SLC4A2: variants seen among roughly 807,000 people sequenced by gnomAD.
SLC4A2 encodes the protein anion exchange protein 2.
SLC4A2 carries 36 observed loss-of-function variants against 115.0 expected under a neutral mutation model. The ratio of observed to expected loss-of-function variants is 0.31; its 90% CI spans 0.24 to 0.41. SLC4A2 has a LOEUF of 0.41. Among genes scored for constraint, SLC4A2 ranks in the 10% least tolerant of loss-of-function variants. The pLI is 1.00. For missense variants in SLC4A2, 1,252 were observed against 1,705.6 expected (o/e 0.73, Z 4.68); for synonymous variants, 708 against 708.3 (o/e 1.00, Z 0.01).
At chr7:151,066,264 G>A (rs1440818325) in intron 5 of SLC4A2, among the ~76,000 whole-genome samples, 5 of 152,242 alleles carry the variant, frequency 3.3e-5, no homozygotes, top group African/African-American at 9.6e-5. Context: ...GTTGACGTTC[G>A]CAGTGGCCGT....
rs747131908 is a variant in SLC4A2 at position 151,064,585 on chromosome 7, G to T, written c.277G>T (p.Ala93Ser). Reference protein sequence around the residue: ...HPLSTHLPPDARRRKTPQGPG... With the variant: ...HPLSTHLPPDSRRRKTPQGPG... ...ACTGTCCACCCACCTGCCTCCGGAT[G>T]CACGCCGCCGCAAGACACCCCAGGG... The change falls in exon 4 of 23, where the codon GCA (alanine) becomes TCA (serine). Residue 93 changes from alanine (A) to serine (S), a missense_variant. By Grantham distance (99) the Ala-to-Ser change is moderately conservative (BLOSUM62 1). Coordinates refer to ENST00000413384, the MANE Select transcript of SLC4A2 (RefSeq NM_003040.4). The T allele has an allele frequency of 4.2e-5, 67 of 1,612,640 alleles. No individual in the cohort carries two copies. The highest frequency in any genetic ancestry group is 5.6e-5 in the Non-Finnish European group (66 of 1,179,950).
intron 7 of SLC4A2, 49 bp from the exon 8 acceptor site, chr7:151,067,825 G>A: frequency 6.4e-7 from 1 of 1,563,028 alleles, no homozygotes. Flanking sequence ...CCCACCCCAG[G>A]GCTGCCTCCG....
chr7:151,071,461 G>C lies in SLC4A2; in HGVS notation c.2047G>C (p.Gly683Arg), dbSNP rs766348973. 1.9e-6 allele frequency: 3 copies of C among 1,610,176 alleles called. No homozygotes were observed. Among genetic ancestry groups the C allele is most frequent in the Middle Eastern group, 1.6e-4 (1 of 6,082 alleles). The part of the protein sequence containing the change: ...DPLRRTGRPF[G>R]GLIRDVRRRY... The stretch of plus-strand genomic sequence containing the variant: ...CCTTCGGCGGACGGGGCGGCCCTTT[G>C]GGGGGCTGATCCGAGATGTGCGGCG... Residue 683 changes from glycine to arginine, a missense_variant, in exon 14 of 23, where the codon GGG (glycine) becomes CGG (arginine). Gly to Arg is a moderately radical substitution (Grantham distance 125). Transcript: ENST00000413384. This position sits in a 1 kb window ranked among gnomAD's most constrained non-coding sequence, Gnocchi z 5.5.
intron 2 of SLC4A2, 99 bp from the exon 3 acceptor site, chr7:151,064,103 G>C: frequency 8.0e-7 from 1 of 1,244,980 alleles, no homozygotes; most frequent in Admixed American, 2.0e-5. Flanking sequence ...GCTGCTGGCG[G>C]GGGAGGGTTC....
chr7:151,064,721 G>T lies in SLC4A2; in HGVS notation c.413G>T (p.Arg138Leu), dbSNP rs751865233. ...EDEASEAEGARALTQPSPVST... is the reference protein window; with the variant it reads ...EDEASEAEGALALTQPSPVST... ...GAGGCCAGCGAGGCTGAGGGGGCCC[G>T]GGCTCTCACTCAGCCGTCCCCTGTC... Residue 138 changes from arginine to leucine, a missense_variant, in exon 4 of 23, where the codon CGG (arginine) becomes CTG (leucine). Coordinates refer to ENST00000413384, the MANE Select transcript of SLC4A2 (RefSeq NM_003040.4). The T allele has an allele frequency of 1.2e-6, 2 of 1,612,270 alleles. 1 individual carries two copies. The highest frequency in any genetic ancestry group is 2.2e-5 in the South Asian group (2 of 90,986).
chr7:151,062,720 C>A (rs1172651870), intron 2 of SLC4A2: 1 of 1,421,324 alleles, frequency 7.0e-7, no homozygotes, highest in Non-Finnish European at 9.2e-7. Context: ...GCGCCTCTCC[C>A]CGTCCCCTCG....
rs1438466824 is a variant in SLC4A2, at chr7:151,063,927, C to A, written c.52-275C>A. On this transcript the variant is annotated intron_variant, in intron 2 of 22. Transcript: ENST00000413384. ...TGTTTTTAGTAGAGATGGGGTTTCACCATGTTGGTCAGGCTGGTCTTGAAC... is the reference window on the plus strand; with the variant it reads ...TGTTTTTAGTAGAGATGGGGTTTCAACATGTTGGTCAGGCTGGTCTTGAAC... Among the ~76,000 whole-genome samples, 4 of 152,174 alleles carry A rather than the reference C, an allele frequency of 2.6e-5. No individual in the cohort carries two copies. In the South Asian group the frequency reaches 6.2e-4, roughly 24 times the overall value.
At chr7:151,069,735 T>A (rs1255375734) in intron 8 of SLC4A2, among the ~76,000 whole-genome samples, 1 of 152,064 alleles carries the variant, frequency 6.6e-6, no homozygotes, top group African/African-American at 2.4e-5. Flanking sequence ...CCTCATAACG[T>A]TCCTGGGGGT....
In SLC4A2 at chr7:151,071,472, C is replaced by G. The variant is rs781213153; in HGVS notation, c.2058C>G (p.Ile686Met). 1.9e-6 allele frequency: 3 copies of G among 1,611,702 alleles called. No homozygotes were observed. The Admixed American group carries it at 5.0e-5, about 27-fold the overall frequency. Residue 686 changes from isoleucine to methionine, a missense_variant, in exon 14 of 23, where the codon ATC becomes ATG. Around this residue, in one of 14 missense-constraint regions of SLC4A2, gnomAD observed 122 missense variants for 116.8 expected, o/e 1.04. Coordinates refer to ENST00000413384, the MANE Select transcript of SLC4A2 (RefSeq NM_003040.4). This position sits in a 1 kb window ranked among gnomAD's most constrained non-coding sequence, Gnocchi z 5.5. The part of the protein sequence containing the change: ...RRTGRPFGGL[I>M]RDVRRRYPHY... ...CGGGGCGGCCCTTTGGGGGGCTGAT[C>G]CGAGATGTGCGGCGCCGCTATCCCC...
At position 151,071,688 on chromosome 7, in the gene SLC4A2, G is replaced by A; in HGVS notation, c.2192-1G>A. On this transcript the variant is annotated splice_acceptor_variant, in intron 14 of 22. Coordinates refer to ENST00000413384, the MANE Select transcript of SLC4A2 (RefSeq NM_003040.4). LOFTEE classifies it high-confidence loss of function. The surrounding 1 kb of genome is among the most constrained non-coding windows in gnomAD (Gnocchi z 5.5). ...TCCTGAGCTGGTTCCTACACCCCTA[G>A]GAGAGAAGACGCAGGACCTGATAGG... The A allele has an allele frequency of 6.2e-7, 1 of 1,610,584 alleles. No individual in the cohort carries two copies. The highest frequency in any genetic ancestry group is 8.5e-7 in the Non-Finnish European group (1 of 1,177,892).
At chr7:151,073,217 G>T (rs1285294011) in intron 16 of SLC4A2, among the ~76,000 whole-genome samples, 1 of 152,028 alleles carries the variant, frequency 6.6e-6, no homozygotes, top group Non-Finnish European at 1.5e-5. Context: ...CCAAAGTGTT[G>T]GGGTTATAGG....
chr7:151,076,151 C>T lies in SLC4A2; in HGVS notation c.3610C>T (p.Leu1204Phe), dbSNP rs34918764. 510 of 1,610,682 alleles carry T rather than the reference C, an allele frequency of 3.2e-4. 3 individuals carry two copies. The highest frequency in any genetic ancestry group is 3.3e-4 in the Middle Eastern group (2 of 6,062). ...CACAGTGCCGCTCCGCATGGTGGTGCTCACCCGTATCTTCACCGACCGAGA... is the reference window on the plus strand; with the variant it reads ...CACAGTGCCGCTCCGCATGGTGGTGTTCACCCGTATCTTCACCGACCGAGA... ...ILTVPLRMVV[L>F]TRIFTDREMK... The change falls in exon 22 of 23, where the codon CTC (leucine) becomes TTC (phenylalanine). Residue 1204 changes from leucine (L) to phenylalanine (F), a missense_variant. By Grantham distance (22) the Leu-to-Phe change is conservative. Around this residue, in one of 14 missense-constraint regions of SLC4A2, gnomAD observed 52 missense variants for 40.6 expected, o/e 1.28. Transcript: ENST00000413384.
chr7:151,062,007 G>T lies in SLC4A2; in HGVS notation c.20G>T (p.Arg7Leu), dbSNP rs747989506. The T allele has an allele frequency of 3.1e-6, 5 of 1,609,700 alleles. No homozygotes were observed. The South Asian group carries it at 3.3e-5, about 11-fold the overall frequency. Residue 7 changes from arginine to leucine, a missense_variant, in exon 2 of 23, where the codon CGC becomes CTC. Transcript: ENST00000413384. ...TCGGCCATGAGCAGCGCCCCTCGGC[G>T]CCCCGCCAAGGGCGCAGATTCTTTC... MSSAPR[R>L]PAKGADSFCT...
rs373480817 is a variant in SLC4A2 at position 151,071,301 on chromosome 7, C to T, written c.1975+4C>T. The stretch of plus-strand genomic sequence containing the variant: ...CCCAAATCTGCCCAAGATAAGGGTA[C>T]GGCCAGGGCGGGCTGGGGCCAGGGC... On this transcript the variant is annotated splice_donor_region_variant and intron_variant, in intron 13 of 22. Transcript: ENST00000413384. The surrounding 1 kb of genome is among the most constrained non-coding windows in gnomAD (Gnocchi z 5.5). 21 of 1,547,486 alleles carry T rather than the reference C, an allele frequency of 1.4e-5. No homozygotes were observed. The highest frequency in any genetic ancestry group is 1.7e-5 in the Non-Finnish European group (20 of 1,148,134).
In SLC4A2 at chr7:151,074,199, A is replaced by G; in HGVS notation, c.2696A>G (p.Asn899Ser). Reference sequence around the variant, plus strand: ...CAGGGGAAGCCCCGGGGCCAGCCCAACACGGCCCTGCTGTCGCTGGTGCTC... The same window carrying G: ...CAGGGGAAGCCCCGGGGCCAGCCCAGCACGGCCCTGCTGTCGCTGGTGCTC... ...SGQGKPRGQP[N>S]TALLSLVLMA... The change falls in exon 17 of 23, where the codon AAC (asparagine) becomes AGC (serine). Residue 899 changes from asparagine (N) to serine (S), a missense_variant. Physicochemically the swap from Asn to Ser is conservative, Grantham distance 46. Around this residue, in one of 14 missense-constraint regions of SLC4A2, gnomAD observed 55 missense variants for 48.6 expected, o/e 1.13. Transcript: ENST00000413384. 2 of 1,613,108 alleles carry G rather than the reference A, an allele frequency of 1.2e-6. No homozygotes were observed. Among genetic ancestry groups the G allele is most frequent in the Non-Finnish European group, 1.7e-6 (2 of 1,180,000 alleles).
At chr7:151,065,244 C>T (rs1421867341) in intron 5 of SLC4A2, among the ~76,000 whole-genome samples, 2 of 152,298 alleles carry the variant, frequency 1.3e-5, no homozygotes, top group East Asian at 1.9e-4. Flanking sequence ...GCAAAGAACA[C>T]GCGCTGCCTA....
At position 151,067,869 on chromosome 7, in the gene SLC4A2, C is replaced by G; in HGVS notation, c.967-5C>G. The G allele has an allele frequency of 6.2e-7, 1 of 1,611,972 alleles. No individual in the cohort carries two copies. Among genetic ancestry groups the G allele is most frequent in the Non-Finnish European group, 8.5e-7 (1 of 1,179,208 alleles). The stretch of plus-strand genomic sequence containing the variant: ...CCCTGAAATGCCTTCTCTTCTCTCC[C>G]CAAGGTGTTTGTGGAGCTGAATGAG... On this transcript the variant is annotated splice_region_variant and splice_polypyrimidine_tract_variant and intron_variant, in intron 7 of 22. Transcript: ENST00000413384.
At chr7:151,063,292 C>T (rs929176752) in intron 2 of SLC4A2, 11 of 932,532 alleles carry the variant, frequency 1.2e-5, no homozygotes, top group Admixed American at 1.0e-4. Context: ...GGCTGAAGGG[C>T]ATCCATTCCG....
intron 16 of SLC4A2, among the ~76,000 whole-genome samples, chr7:151,072,915 C>T (rs1438216833): frequency 2.0e-5 from 3 of 151,792 alleles, no homozygotes; most frequent in African/African-American, 7.3e-5. Flanking sequence ...CCGCCCGCCT[C>T]GCCTCCCAAA....
Sources: gnomAD v4.1 joint callset for allele counts (sites outside exome capture counted in the v4.1 genomes callset) on GRCh38, gnomAD v4.1.1 for gene constraint, gnomAD v4.1.1 regional missense constraint, Gnocchi (gnomAD v3.1) non-coding constraint, MANE v1.5 for transcripts, NCBI Gene and HGNC (gene_info 2026-07-23, HGNC 2026-07-21) for gene names.